Variants in MAP4K5 observed in about 807,000 individuals in gnomAD.
MAP4K5 encodes the protein MAPK/ERK kinase kinase kinase 5.
MAP4K5 carries 82 observed loss-of-function variants against 135.6 expected under a neutral mutation model. The ratio of observed to expected loss-of-function variants is 0.60; its 90% confidence interval spans 0.51 to 0.73. The LOEUF is 0.73. Ranked by LOEUF, MAP4K5 falls within the 30% of genes least tolerant of loss-of-function variation. The pLI is 0.00. For synonymous variants in MAP4K5, 347 were observed against 335.0 expected (o/e 1.04, Z -0.39); for missense variants, 907 against 1,010.9 (o/e 0.90, Z 1.39).
Position 50,475,405 on chromosome 14 carries a change from A to C in MAP4K5, c.470-256T>G, listed in dbSNP as rs578019136. 5.3e-5 allele frequency among the ~76,000 whole-genome samples: 8 copies of C among 152,242 alleles called. No homozygotes were observed. The South Asian group carries it at 1.7e-3, about 32-fold the overall frequency. On this transcript the variant is annotated intron_variant, in intron 8 of 32. Transcript: ENST00000682126. Reference sequence around the variant, plus strand: ...AATATTTTTATTATATACACAATGAAGTTAATTTGGGAAAAAGAGAAAAAA... The same window carrying C: ...AATATTTTTATTATATACACAATGACGTTAATTTGGGAAAAAGAGAAAAAA...
At chr14:50,500,168 T>C (rs2037677677) in intron 3 of MAP4K5, among the ~76,000 whole-genome samples, 1 of 152,196 alleles carries the variant, frequency 6.6e-6, no homozygotes, top group Non-Finnish European at 1.5e-5. Context: ...TGGTGAAATA[T>C]AGCAGTGAGG....
intron 1 of MAP4K5, among the ~76,000 whole-genome samples, chr14:50,545,938 G>T (rs930657120): frequency 5.9e-5 from 9 of 152,162 alleles, no homozygotes; most frequent in African/African-American, 2.2e-4. Flanking sequence ...TAGTTCATCA[G>T]ATCTTCTGAA....
chr14:50,560,025 A>G, intron 1 of MAP4K5: 1 of 580,120 alleles, frequency 1.7e-6, no homozygotes, highest in South Asian at 2.0e-5. Flanking sequence ...GGACTGAGGT[A>G]GGGAGGGTGT....
intron 1 of MAP4K5, among the ~76,000 whole-genome samples, chr14:50,556,865 T>C (rs2140168182): frequency 6.6e-6 from 1 of 152,360 alleles, no homozygotes; most frequent in South Asian, 2.1e-4. Context: ...ATTATATGGA[T>C]ATACTACATT....
chr14:50,513,639 C>A (rs1362739606), intron 2 of MAP4K5, among the ~76,000 whole-genome samples: 5 of 151,158 alleles, frequency 3.3e-5, no homozygotes, highest in African/African-American at 1.2e-4. Context: ...CTATGGCAAC[C>A]AAGACCATCA....
chr14:50,437,649 C>G (rs1194251181), intron 25 of MAP4K5, 115 bp from the exon 26 acceptor site: 3 of 713,972 alleles, frequency 4.2e-6, no homozygotes, highest in African/African-American at 1.8e-5. Flanking sequence ...GTCTTGGATC[C>G]TAACTCCACA....
intron 2 of MAP4K5, among the ~76,000 whole-genome samples, chr14:50,520,104 C>T (rs978293993): frequency 1.3e-5 from 2 of 152,148 alleles, no homozygotes; most frequent in African/African-American, 4.8e-5. Context: ...GTGGCTCACA[C>T]CTGTAATCCT....
chr14:50,531,296 A>T (rs2038381356), intron 2 of MAP4K5, among the ~76,000 whole-genome samples: 1 of 152,032 alleles, frequency 6.6e-6, no homozygotes, highest in South Asian at 2.1e-4. Context: ...GCTCATATCC[A>T]CTCTTGGTTA....
Position 50,448,148 on chromosome 14 carries a change from G to C in MAP4K5, c.1074+626C>G, listed in dbSNP as rs535062948. ...CCCTGCCTCAGCCTCCTGAGGAGCT[G>C]GGTTTATAGGCACATGCCACCACGC... On this transcript the variant is annotated intron_variant, in intron 15 of 32. Transcript: ENST00000682126. Among the ~76,000 whole-genome samples the C allele has an allele frequency of 1.1e-3, 163 of 152,208 alleles. No homozygotes were observed. In the Middle Eastern group the frequency reaches 0.014, roughly 13 times the overall value.
At chr14:50,446,902 A>G (rs1163393363) in intron 16 of MAP4K5, among the ~76,000 whole-genome samples, 1 of 152,218 alleles carries the variant, frequency 6.6e-6, no homozygotes, top group Admixed American at 6.5e-5. Flanking sequence ...ATAAAATATA[A>G]TTATTCTTTT....
upstream of MAP4K5, among the ~76,000 whole-genome samples, chr14:50,535,457 T>C (rs1291069723): frequency 6.6e-6 from 1 of 152,220 alleles, no homozygotes; most frequent in Non-Finnish European, 1.5e-5. Flanking sequence ...CAACATAAAC[T>C]AATTTCAACA....
chr14:50,445,223 T>TA (rs2036318919), intron 17 of MAP4K5, 29 bp from the exon 18 acceptor site: 2 of 1,604,706 alleles, frequency 1.2e-6, no homozygotes, highest in African/African-American at 1.3e-5. Context: ...AAAAGTACTT[T>TA]AACAGTTATC....
upstream of MAP4K5, among the ~76,000 whole-genome samples, chr14:50,534,279 A>G (rs530051288): frequency 3.9e-5 from 6 of 152,248 alleles, no homozygotes; most frequent in African/African-American, 1.2e-4. Context: ...GCAAACTAGT[A>G]TGACGTTAAA....
intron 3 of MAP4K5, among the ~76,000 whole-genome samples, chr14:50,498,139 G>T (rs1363441940): frequency 6.6e-6 from 1 of 152,116 alleles, no homozygotes; most frequent in African/African-American, 2.4e-5. Context: ...ATGGTAGGCT[G>T]AAATTCAGAC....
At chr14:50,425,476 T>C (rs1214215940) in intron 31 of MAP4K5, among the ~76,000 whole-genome samples, 3 of 152,230 alleles carry the variant, frequency 2.0e-5, no homozygotes, top group Non-Finnish European at 2.9e-5. Flanking sequence ...GTCTTGAACA[T>C]AGTTGGTACT....
chr14:50,545,763 TC>T (rs2038623483), intron 1 of MAP4K5, among the ~76,000 whole-genome samples: 1 of 152,176 alleles, frequency 6.6e-6, no homozygotes, highest in African/African-American at 2.4e-5. Flanking sequence ...GGGTTGGAAC[TC>T]CTGTAGCTTA....
chr14:50,514,904 ATTCT>A (rs1404367809), intron 2 of MAP4K5, among the ~76,000 whole-genome samples: 2 of 66,124 alleles, frequency 3.0e-5, no homozygotes, highest in African/African-American at 6.2e-5. Context: ...GGTCATCCTT[ATTCT>A]TTTTTTTTTT....
At chr14:50,426,651 C>G (rs2144972) in intron 30 of MAP4K5, among the ~76,000 whole-genome samples, 150,184 of 152,352 alleles carry the variant, frequency 0.99, 74,071 homozygotes, top group East Asian at 1. Context: ...TTGAACCCCA[C>G]AGGTGGAGGC....
chr14:50,434,318 T>C (rs2036040483), intron 28 of MAP4K5, 76 bp downstream of exon 28: 5 of 1,159,142 alleles, frequency 4.3e-6, no homozygotes, highest in Non-Finnish European at 6.1e-6. Context: ...GGTGTTTTGC[T>C]TCTTTTATAG....
Sources: gnomAD v4.1 joint callset for allele counts (sites outside exome capture counted in the v4.1 genomes callset) on GRCh38, gnomAD v4.1.1 for gene constraint, MANE v1.5 for transcripts, NCBI Gene and HGNC (gene_info 2026-07-23, HGNC 2026-07-21) for gene names.